Variants in FHIT observed in about 807,000 individuals in gnomAD.
The protein encoded by FHIT is bis(5'-adenosyl)-triphosphatase.
A neutral mutation model predicts 17.9 loss-of-function variants in FHIT; 19 were observed. The observed-to-expected ratio is 1.06, with a 90% CI of 0.74 to 1.56. The LOEUF is 1.56. Ranked by LOEUF, FHIT falls within the 40% of genes most tolerant of loss-of-function variation. The probability of loss-of-function intolerance (pLI) is 0.00; values close to 1 mark genes in which losing one functional copy is unlikely to be tolerated. For synonymous variants in FHIT, 81 were observed against 69.7 expected (o/e 1.16, Z -0.81); for missense variants, 248 against 189.2 (o/e 1.31, Z -1.82).
intron 5 of FHIT, among the ~76,000 whole-genome samples, chr3:60,141,108 T>C (rs991550404): frequency 6.6e-6 from 1 of 152,170 alleles, no homozygotes; most frequent in African/African-American, 2.4e-5. Flanking sequence ...GACATCAATC[T>C]GTCAGTCATC....
At chr3:60,119,193 C>T (rs1434837192) in intron 5 of FHIT, among the ~76,000 whole-genome samples, 1 of 151,776 alleles carries the variant, frequency 6.6e-6, no homozygotes, top group African/African-American at 2.4e-5. Context: ...CCTGCCTCAG[C>T]CTCTCAAGTA....
intron 5 of FHIT, among the ~76,000 whole-genome samples, chr3:60,529,112 AG>A (rs2035678297): frequency 6.6e-6 from 1 of 152,244 alleles, no homozygotes; most frequent in Non-Finnish European, 1.5e-5. Context: ...GAGGTTTTTA[AG>A]GATAAGTCCA....
At chr3:60,874,687 G>C (rs1188130042) in intron 3 of FHIT, among the ~76,000 whole-genome samples, 2 of 152,122 alleles carry the variant, frequency 1.3e-5, no homozygotes, top group South Asian at 4.1e-4. Flanking sequence ...TCTCCCAAGA[G>C]TTGCGATCCT....
At chr3:59,754,695 C>T (rs532575340) in intron 8 of FHIT, among the ~76,000 whole-genome samples, 1 of 152,300 alleles carries the variant, frequency 6.6e-6, no homozygotes, top group East Asian at 1.9e-4. Flanking sequence ...TATTAGGCAA[C>T]CGTCTGTTAT....
At chr3:60,327,287 C>T (rs759479278) in intron 5 of FHIT, among the ~76,000 whole-genome samples, 5 of 152,188 alleles carry the variant, frequency 3.3e-5, no homozygotes, top group Non-Finnish European at 7.3e-5. Flanking sequence ...AGGATGCCCA[C>T]CTTATTTACC....
chr3:59,942,539 C>T lies in FHIT; in HGVS notation c.280-20125G>A, dbSNP rs372121803. On this transcript the variant is annotated intron_variant, in intron 7 of 9. Coordinates refer to ENST00000492590, the MANE Select transcript of FHIT (RefSeq NM_002012.4). ...TTAAACAAAACAAAATGGCAGTTTTCCTTCTTGCTGAAACCCTCACTTGGA... is the reference window on the plus strand; with the variant it reads ...TTAAACAAAACAAAATGGCAGTTTTTCTTCTTGCTGAAACCCTCACTTGGA... Among the ~76,000 whole-genome samples, 138 of 152,328 alleles carry T rather than the reference C, an allele frequency of 9.1e-4. 1 individual carries two copies. The highest frequency in any genetic ancestry group is 3.2e-3 in the African/African-American group (134 of 41,574).
intron 5 of FHIT, among the ~76,000 whole-genome samples, chr3:60,038,206 C>T (rs1246852323): frequency 6.6e-6 from 1 of 152,120 alleles, no homozygotes; most frequent in Non-Finnish European, 1.5e-5. Flanking sequence ...TATACTCTTA[C>T]ATTTTTGAAA....
intron 4 of FHIT, among the ~76,000 whole-genome samples, chr3:60,598,821 G>A (rs1185608243): frequency 6.6e-6 from 1 of 152,110 alleles, no homozygotes; most frequent in Non-Finnish European, 1.5e-5. Flanking sequence ...GTATTTGAGA[G>A]AAGTTTGTGC....
At chr3:60,628,615 G>C (rs2039357258) in intron 4 of FHIT, among the ~76,000 whole-genome samples, 1 of 152,122 alleles carries the variant, frequency 6.6e-6, no homozygotes, top group South Asian at 2.1e-4. Context: ...ACTCCAGGAG[G>C]GCTCTCTTAC....
chr3:60,192,769 C>T (rs1576285368), intron 5 of FHIT, among the ~76,000 whole-genome samples: 2 of 152,154 alleles, frequency 1.3e-5, no homozygotes, highest in Non-Finnish European at 1.5e-5. Flanking sequence ...CACCACCATC[C>T]GTGAAAGCAG....
In FHIT at chr3:60,654,397, T is replaced by C. The variant is rs536180158; in HGVS notation, c.-17-117418A>G. ...GGAGAGCAATGGGGACATCTCAGGA[T>C]GATTCTACACAGCATGTCTACAGAG... On this transcript the variant is annotated intron_variant, in intron 4 of 9. Transcript: ENST00000492590. 3.2e-3 allele frequency among the ~76,000 whole-genome samples: 491 copies of C among 152,154 alleles called. 2 individuals are homozygous for C. Among genetic ancestry groups the C allele is most frequent in the African/African-American group, 0.011 (469 of 41,494 alleles).
chr3:60,204,356 A>AC (rs1191272198), intron 5 of FHIT, among the ~76,000 whole-genome samples: 15 of 151,576 alleles, frequency 9.9e-5, no homozygotes, highest in South Asian at 2.1e-4. Flanking sequence ...CTCAGCCTCC[A>AC]CCCCCTGGGC....
intron 5 of FHIT, among the ~76,000 whole-genome samples, chr3:60,434,976 A>C (rs894485710): frequency 6.6e-6 from 1 of 152,140 alleles, no homozygotes; most frequent in Non-Finnish European, 1.5e-5. Context: ...GCATGTATCA[A>C]AGATCTTCTT....
At chr3:60,853,314 C>G (rs1194665677) in intron 3 of FHIT, among the ~76,000 whole-genome samples, 3 of 152,046 alleles carry the variant, frequency 2.0e-5, no homozygotes, top group Non-Finnish European at 4.4e-5. Flanking sequence ...ATTTTGATGT[C>G]TATGATGTAT....
rs537841801 is a variant in FHIT at position 61,200,822 on chromosome 3, A to G, written c.-212-157T>C. ...TTGTGCCTCATACCTCCCGCACAAG[A>G]GGCCAAAAAAAGACAGTCAGAAACT... On this transcript the variant is annotated intron_variant, in intron 1 of 9. Transcript: ENST00000492590. 3.9e-5 allele frequency among the ~76,000 whole-genome samples: 6 copies of G among 152,296 alleles called. No individual in the cohort carries two copies. The South Asian group carries it at 1.2e-3, about 32-fold the overall frequency.
At chr3:61,075,751 C>T (rs948703586) in intron 2 of FHIT, among the ~76,000 whole-genome samples, 18 of 152,112 alleles carry the variant, frequency 1.2e-4, no homozygotes, top group African/African-American at 3.4e-4. Flanking sequence ...GTTCATTTAT[C>T]CATTAAATAA....
chr3:60,479,791 G>A (rs1291415167), intron 5 of FHIT, among the ~76,000 whole-genome samples: 1 of 152,126 alleles, frequency 6.6e-6, no homozygotes, highest in African/African-American at 2.4e-5. Flanking sequence ...TGCTCCTTAT[G>A]AGAATCTAAC....
At chr3:59,809,798 C>T (rs1420039567) in intron 8 of FHIT, among the ~76,000 whole-genome samples, 1 of 152,178 alleles carries the variant, frequency 6.6e-6, no homozygotes, top group Admixed American at 6.5e-5. Flanking sequence ...AGGATCCCTT[C>T]CCCGAAGCTG....
rs981142709 is a variant in FHIT, at chr3:60,691,484, C to A, written c.-18+130435G>T. Reference sequence around the variant, plus strand: ...CCCCAGGCTCAGGTGATCTACCCACCTCAGCCTCCTAAGTAGCTGGGACTG... The same window carrying A: ...CCCCAGGCTCAGGTGATCTACCCACATCAGCCTCCTAAGTAGCTGGGACTG... On this transcript the variant is annotated intron_variant, in intron 4 of 9. Transcript: ENST00000492590. 3.3e-5 allele frequency among the ~76,000 whole-genome samples: 5 copies of A among 152,092 alleles called. 1 individual carries two copies. The South Asian group carries it at 6.2e-4, about 19-fold the overall frequency.
Sources: gnomAD v4.1 joint callset for allele counts (sites outside exome capture counted in the v4.1 genomes callset) on GRCh38, gnomAD v4.1.1 for gene constraint, MANE v1.5 for transcripts, NCBI Gene and HGNC (gene_info 2026-07-23, HGNC 2026-07-21) for gene names.